LRRFIP2: variants seen among roughly 807,000 people sequenced by gnomAD.
The protein encoded by LRRFIP2 is leucine-rich repeat flightless-interacting protein 2.
LRRFIP2 carries 109 observed loss-of-function variants against 125.9 expected under a neutral mutation model. That is an observed-to-expected ratio of 0.87 (90% CI 0.74 to 1.01). The LOEUF is 1.01. LRRFIP2 is among the 50% of genes least tolerant of loss of function. The pLI, the probability that LRRFIP2 is intolerant of heterozygous loss-of-function variation, is 0.00. For missense variants in LRRFIP2, 850 were observed against 862.3 expected (o/e 0.99, Z 0.18); for synonymous variants, 291 against 293.1 (o/e 0.99, Z 0.07).
chr3:37,156,992 G>T (rs2096219777), intron 1 of LRRFIP2, among the ~76,000 whole-genome samples: 1 of 151,974 alleles, frequency 6.6e-6, no homozygotes, highest in Non-Finnish European at 1.5e-5. Context: ...AGCTGGGCGT[G>T]GTGGCACATG....
chr3:37,108,451 G>A (rs2094430260), intron 12 of LRRFIP2, among the ~76,000 whole-genome samples, 186 bp downstream of exon 12: 1 of 152,216 alleles, frequency 6.6e-6, no homozygotes, highest in African/African-American at 2.4e-5. Flanking sequence ...ATCACAGCTT[G>A]GGTGAGAGTC....
chr3:37,089,489 T>A (rs1259727840), intron 18 of LRRFIP2, among the ~76,000 whole-genome samples: 3 of 152,196 alleles, frequency 2.0e-5, no homozygotes, highest in African/African-American at 7.2e-5. Flanking sequence ...CATACCACCA[T>A]GCTTGGTCAC....
In LRRFIP2 at chr3:37,159,521, T is replaced by C. The variant is rs78742449; in HGVS notation, c.-55-10483A>G. ...TGAGTTTGTTACTTTCTCTTTTTTG[T>C]TTTTTTTGACAGAGTCTCGCTGCTG... On this transcript the variant is annotated intron_variant, in intron 1 of 27. Transcript: ENST00000336686. Among the ~76,000 whole-genome samples the C allele has an allele frequency of 9.0e-3, 1,367 of 151,852 alleles. 22 individuals are homozygous for C. Among genetic ancestry groups the C allele is most frequent in the African/African-American group, 0.032 (1,308 of 41,446 alleles).
At chr3:37,054,644 CAT>C in intron 26 of LRRFIP2, 129 bp from the exon 27 acceptor site, 1 of 649,164 alleles carries the variant, frequency 1.5e-6, no homozygotes, top group African/African-American at 1.8e-5. Flanking sequence ...AAGGGTGACT[CAT>C]AAGTCCTCTC....
intron 14 of LRRFIP2, among the ~76,000 whole-genome samples, chr3:37,105,105 A>C (rs1453748022): frequency 6.6e-6 from 1 of 152,246 alleles, no homozygotes; most frequent in East Asian, 1.9e-4. Flanking sequence ...CATAGTTATG[A>C]GTTTTATACA....
intron 1 of LRRFIP2, chr3:37,171,209 C>T (rs1435635846): frequency 6.6e-6 from 1 of 152,264 alleles, no homozygotes; most frequent in African/African-American, 2.4e-5. Flanking sequence ...ACCCCAAAAC[C>T]TAGCCTTAAT....
chr3:37,066,452 T>C (rs1054870904), intron 21 of LRRFIP2, 127 bp from the exon 22 acceptor site: 2 of 742,948 alleles, frequency 2.7e-6, no homozygotes, highest in Middle Eastern at 3.6e-4. Context: ...AGTCAAAAGA[T>C]TGGAAACAAA....
At chr3:37,107,446 CAAAAT>C (rs1409428375) in intron 13 of LRRFIP2, among the ~76,000 whole-genome samples, 2 of 151,972 alleles carry the variant, frequency 1.3e-5, no homozygotes, top group African/African-American at 2.4e-5. Flanking sequence ...CATTTGCACT[CAAAAT>C]AAAGAGCACT....
Position 37,131,485 on chromosome 3 carries a change from G to T in LRRFIP2, c.91-2336C>A, listed in dbSNP as rs1451253288. On this transcript the variant is annotated intron_variant, in intron 2 of 27. Transcript: ENST00000336686. ...GCATAGGTCACAGTATCAAGGAAAT[G>T]AGATAAGGAAATAGCTTAATGTGCC... 2.0e-5 allele frequency among the ~76,000 whole-genome samples: 3 copies of T among 152,128 alleles called. No homozygotes were observed. In the East Asian group the frequency reaches 5.8e-4, roughly 29 times the overall value.
rs148250430 is a variant in LRRFIP2 at position 37,083,509 on chromosome 3, A to G, written c.1278+127T>C. On this transcript the variant is annotated intron_variant, in intron 19 of 27. Transcript: ENST00000336686. Reference sequence around the variant, plus strand: ...CCTGATATCTCATGGTGTTCTGTCAATTTCCTTGGGCCATTCAGTTTTGAC... The same window carrying G: ...CCTGATATCTCATGGTGTTCTGTCAGTTTCCTTGGGCCATTCAGTTTTGAC... 1.4e-3 allele frequency: 831 copies of G among 599,020 alleles called. 15 individuals carry two copies. In the East Asian group the frequency reaches 0.026, roughly 19 times the overall value. The allele number at this position is 599,020 out of a possible 1,614,324, so 37.1% of individuals were successfully genotyped here. A position where few individuals can be genotyped will look rare whatever the true frequency, so the allele number is the denominator to read the frequency against.
In LRRFIP2 at chr3:37,147,810, C is replaced by T. The variant is rs558462636; in HGVS notation, c.90+1084G>A. The stretch of plus-strand genomic sequence containing the variant: ...CAGATAGAGTCTGAAACAAAGTTGG[C>T]AATTAAGTAAGAAATCCCAGCTGGC... On this transcript the variant is annotated intron_variant, in intron 2 of 27. Coordinates refer to ENST00000336686, the MANE Select transcript of LRRFIP2 (RefSeq NM_006309.4). Among the ~76,000 whole-genome samples, 52 of 152,270 alleles carry T rather than the reference C, an allele frequency of 3.4e-4. 1 individual carries two copies. The Middle Eastern group carries it at 0.01, about 30-fold the overall frequency.
intron 6 of LRRFIP2, among the ~76,000 whole-genome samples, chr3:37,121,168 T>G (rs1304631692): frequency 6.6e-6 from 1 of 152,224 alleles, no homozygotes; most frequent in African/African-American, 2.4e-5. Context: ...AGGGAAAGTC[T>G]GAAAGTTAGA....
intron 1 of LRRFIP2, among the ~76,000 whole-genome samples, chr3:37,156,308 T>C (rs1395153161): frequency 6.6e-6 from 1 of 151,978 alleles, no homozygotes; most frequent in East Asian, 1.9e-4. Flanking sequence ...AGTGAAACTC[T>C]ATCTTTAAAA....
chr3:37,161,905 GGGTGC>G (rs1229354615), intron 1 of LRRFIP2, among the ~76,000 whole-genome samples: 1 of 151,812 alleles, frequency 6.6e-6, no homozygotes, highest in African/African-American at 2.4e-5. Flanking sequence ...AAAACAGGCT[GGGTGC>G]GGTGGTTCAT....
chr3:37,072,137 T>G (rs2091305048), intron 21 of LRRFIP2, among the ~76,000 whole-genome samples: 1 of 152,144 alleles, frequency 6.6e-6, no homozygotes, highest in African/African-American at 2.4e-5. Flanking sequence ...TTATCCAAAT[T>G]CCTGTAACGT....
At chr3:37,085,668 AC>A (rs746591942) in intron 18 of LRRFIP2, among the ~76,000 whole-genome samples, 2 of 148,350 alleles carry the variant, frequency 1.3e-5, no homozygotes, top group Non-Finnish European at 3.0e-5. Flanking sequence ...TGCAACCTCC[AC>A]CTCCCGGGTT....
chr3:37,075,680 A>C (rs2091916765), intron 19 of LRRFIP2, among the ~76,000 whole-genome samples: 1 of 152,164 alleles, frequency 6.6e-6, no homozygotes, highest in South Asian at 2.1e-4. Context: ...AAATACCATC[A>C]GGTTTTTCTT....
chr3:37,156,324 T>A (rs994043357), intron 1 of LRRFIP2, among the ~76,000 whole-genome samples: 1 of 148,134 alleles, frequency 6.8e-6, no homozygotes, highest in African/African-American at 2.6e-5. Context: ...TAAAAAAAAT[T>A]TTTTTTTTAA....
intron 3 of LRRFIP2, among the ~76,000 whole-genome samples, 168 bp downstream of exon 3, chr3:37,128,895 C>T (rs888715500): frequency 6.6e-6 from 1 of 152,146 alleles, no homozygotes; most frequent in African/African-American, 2.4e-5. Flanking sequence ...CTACTTAAAA[C>T]AAATATCACA....
Sources: gnomAD v4.1 joint callset for allele counts (sites outside exome capture counted in the v4.1 genomes callset) on GRCh38, gnomAD v4.1.1 for gene constraint, MANE v1.5 for transcripts, NCBI Gene and HGNC (gene_info 2026-07-23, HGNC 2026-07-21) for gene names.